The following SLC15A2 variants were observed in gnomAD, a reference collection of about 807,000 sequenced individuals.
The protein encoded by SLC15A2 is kidney H(+)/peptide cotransporter.
SLC15A2 carries 77 observed loss-of-function variants against 95.5 expected under a neutral mutation model. That is an observed-to-expected ratio of 0.81 (90% CI 0.67 to 0.97). The LOEUF is 0.97. Ranked by LOEUF, SLC15A2 falls within the 50% of genes least tolerant of loss-of-function variation. The probability of loss-of-function intolerance (pLI) is 0.00; values close to 1 mark genes in which losing one functional copy is unlikely to be tolerated. For missense variants in SLC15A2, 893 were observed against 874.4 expected (o/e 1.02, Z -0.27); for synonymous variants, 306 against 306.9 (o/e 1.00, Z 0.03).
chr3:121,897,268 G>A, intron 2 of SLC15A2, 120 bp from the exon 3 acceptor site: 1 of 1,130,698 alleles, frequency 8.8e-7, no homozygotes, highest in Non-Finnish European at 1.3e-6. Context: ...TCACTGATAG[G>A]AGTGCTGAAG....
rs377515458 is a variant in SLC15A2 at position 121,932,072 on chromosome 3, T to G, written c.1761+337T>G. Among the ~76,000 whole-genome samples, 70 of 152,084 alleles carry G rather than the reference T, an allele frequency of 4.6e-4. No homozygotes were observed. In the East Asian group the frequency reaches 7.9e-3, roughly 17 times the overall value. ...CCCACCACCACCATGCCCAGCTAAT[T>G]TTTGTATTTTTAGTAGAGATGGGGT... On this transcript the variant is annotated intron_variant, in intron 19 of 21. Coordinates refer to ENST00000489711, the MANE Select transcript of SLC15A2 (RefSeq NM_021082.4).
At chr3:121,927,737 T>C (rs1189568072) in intron 13 of SLC15A2, 21 bp from the exon 14 acceptor site, 2 of 1,584,612 alleles carry the variant, frequency 1.3e-6, no homozygotes, top group East Asian at 2.2e-5. Context: ...TAGATATAAT[T>C]GTTTCTCCTT....
At chr3:121,916,937 C>T (rs1214968454) in intron 7 of SLC15A2, among the ~76,000 whole-genome samples, 1 of 152,144 alleles carries the variant, frequency 6.6e-6, no homozygotes, top group Non-Finnish European at 1.5e-5. Context: ...TCTCCTGCCT[C>T]AGCCTCCCGA....
At chr3:121,940,326 A>G (rs1710436226) in intron 20 of SLC15A2, 58 bp from the exon 21 acceptor site, 1 of 1,306,028 alleles carries the variant, frequency 7.7e-7, no homozygotes, top group Admixed American at 1.7e-5. Flanking sequence ...TCCTGGATGC[A>G]TGGGGCATGA....
intron 3 of SLC15A2, among the ~76,000 whole-genome samples, chr3:121,904,024 A>C (rs6790936): frequency 0.025 from 3,873 of 152,220 alleles, 151 homozygotes; most frequent in African/African-American, 0.088. Flanking sequence ...CTTTTATTTC[A>C]TTGAGCAATG....
In SLC15A2 at chr3:121,913,100, G is replaced by A. The variant is rs756827753; in HGVS notation, c.508G>A (p.Asp170Asn). The A allele has an allele frequency of 1.2e-5, 20 of 1,613,744 alleles. No individual in the cohort carries two copies. Among genetic ancestry groups the A allele is most frequent in the Non-Finnish European group, 1.7e-5 (20 of 1,179,696 alleles). Residue 170 changes from aspartate (D) to asparagine (N), a missense_variant, in exon 5 of 22, where the codon GAC becomes AAC. By Grantham distance (23) the Asp-to-Asn change is conservative. Transcript: ENST00000489711. ...IKPCVAAFGG[D>N]QFEEKHAEER... ...ACCCTGTGTGGCAGCTTTTGGTGGAGACCAGTTTGAAGAAAAACATGTAAG... is the reference window on the plus strand; with the variant it reads ...ACCCTGTGTGGCAGCTTTTGGTGGAAACCAGTTTGAAGAAAAACATGTAAG...
chr3:121,915,367 A>G, intron 6 of SLC15A2, 50 bp downstream of exon 6: 1 of 1,294,824 alleles, frequency 7.7e-7, no homozygotes, highest in Non-Finnish European at 1.1e-6. Context: ...CTGGTCAGCC[A>G]AAAAGCTGTT....
At chr3:121,894,652 TG>T in intron 1 of SLC15A2, 71 bp downstream of exon 1, 1 of 1,185,378 alleles carries the variant, frequency 8.4e-7, no homozygotes, top group Non-Finnish European at 1.2e-6. Context: ...CCTTGGGCTC[TG>T]GAGCTTCCAG....
At chr3:121,915,203 G>A (rs765677633) in intron 5 of SLC15A2, 24 bp from the exon 6 acceptor site, 1 of 1,572,408 alleles carries the variant, frequency 6.4e-7, no homozygotes, top group Admixed American at 1.7e-5. Context: ...ACATTGCACT[G>A]ATGATTTATC....
chr3:121,898,171 A>G (rs1224266584), intron 3 of SLC15A2, among the ~76,000 whole-genome samples: 1 of 151,982 alleles, frequency 6.6e-6, no homozygotes, highest in African/African-American at 2.4e-5. Context: ...CAAAAAAAAA[A>G]AAAAATTGAA....
At chr3:121,929,221 G>A (rs1710182413) in intron 16 of SLC15A2, 75 bp downstream of exon 16, 2 of 1,603,208 alleles carry the variant, frequency 1.2e-6, no homozygotes, top group East Asian at 2.2e-5. Flanking sequence ...ATCTTACCAA[G>A]GATCTGCCTG....
Position 121,922,297 on chromosome 3 carries a change from A to G in SLC15A2, c.775A>G (p.Ile259Val), listed in dbSNP as rs1710021932. The change falls in exon 8 of 22, where the codon ATC becomes GTC. Residue 259 changes from isoleucine (I) to valine (V), a missense_variant. Coordinates refer to ENST00000489711, the MANE Select transcript of SLC15A2 (RefSeq NM_021082.4). ...GNIVAQVFKC[I>V]WFAISNRFKN... ...CATAGTGGCTCAAGTTTTCAAATGT[A>G]TCTGGGTAAGTCCATAAATTGTTTT... is the stretch of plus-strand genomic sequence containing the variant. The G allele has an allele frequency of 6.2e-7, 1 of 1,613,498 alleles. No individual in the cohort carries two copies.
At chr3:121,896,312 T>C (rs757860824) in intron 1 of SLC15A2, 94 bp from the exon 2 acceptor site, 3 of 987,150 alleles carry the variant, frequency 3.0e-6, no homozygotes, top group Non-Finnish European at 4.9e-6. Context: ...CCAAGATGAT[T>C]TGAAATAAAT....
intron 3 of SLC15A2, 33 bp from the exon 4 acceptor site, chr3:121,911,541 G>A (rs1182134110): frequency 2.1e-6 from 3 of 1,456,938 alleles, no homozygotes; most frequent in Admixed American, 1.7e-5. Flanking sequence ...CTCAGTTCTG[G>A]TTTTAGACTG....
rs1224104030 is a variant in SLC15A2, at chr3:121,924,354, T to A, written c.1006T>A (p.Phe336Ile). ...QAIRMNRNLGFFVLQPDQMQV... is the reference protein window; with the variant it reads ...QAIRMNRNLGIFVLQPDQMQV... ...TTAATTTGTTAAAATGTTTCAGGGG[T>A]TTTTTGTGCTTCAGCCGGACCAGAT... is the stretch of plus-strand genomic sequence containing the variant. The change falls in exon 12 of 22, where the codon TTT (phenylalanine) becomes ATT (isoleucine). Residue 336 changes from phenylalanine to isoleucine, a missense_variant. Transcript: ENST00000489711. The A allele has an allele frequency of 3.7e-6, 6 of 1,612,690 alleles. No individual in the cohort carries two copies. The highest frequency in any genetic ancestry group is 5.1e-6 in the Non-Finnish European group (6 of 1,178,950).
intron 19 of SLC15A2, among the ~76,000 whole-genome samples, chr3:121,937,460 G>T (rs1276838554): frequency 7.2e-6 from 1 of 139,428 alleles, no homozygotes; most frequent in Non-Finnish European, 1.5e-5. Flanking sequence ...GGCTTTGCTC[G>T]TTTCTTTTTA....
At chr3:121,920,228 T>G (rs79928940) in intron 7 of SLC15A2, among the ~76,000 whole-genome samples, 3,831 of 152,322 alleles carry the variant, frequency 0.025, 78 homozygotes, top group South Asian at 0.065. Context: ...AGGATCATTC[T>G]TAGTTTCAGG....
intron 13 of SLC15A2, 56 bp downstream of exon 13, chr3:121,925,089 G>A: frequency 1.7e-6 from 2 of 1,200,262 alleles, no homozygotes; most frequent in Non-Finnish European, 1.2e-6. Flanking sequence ...TCTTTGCCCA[G>A]TTTGAAAAAG....
chr3:121,896,588 G>C, intron 2 of SLC15A2, 95 bp downstream of exon 2: 7 of 963,434 alleles, frequency 7.3e-6, no homozygotes, highest in Non-Finnish European at 3.4e-6. Flanking sequence ...CTTATTTCCC[G>C]AGTCCACTCT....
Sources: allele counts gnomAD v4.1 joint callset (sites outside exome capture counted in the v4.1 genomes callset), GRCh38; gene constraint gnomAD v4.1.1; transcripts MANE v1.5; gene names NCBI Gene and HGNC (gene_info 2026-07-23, HGNC 2026-07-21).